ADGB: variants seen among roughly 807,000 people sequenced by gnomAD.
The protein encoded by ADGB is androglobin, also known as calpain-7-like protein.
A neutral mutation model predicts 210.5 loss-of-function variants in ADGB; 172 were observed. That is an observed-to-expected ratio of 0.82 (90% CI 0.72 to 0.93). The LOEUF (loss-of-function observed/expected upper bound fraction) is 0.93. Among genes scored for constraint, ADGB ranks in the 40% least tolerant of loss-of-function variants. The pLI, the probability that ADGB is intolerant of heterozygous loss-of-function variation, is 0.00. For synonymous variants in ADGB, 658 were observed against 662.7 expected (o/e 0.99, Z 0.11); for missense variants, 2,025 against 1,964.8 (o/e 1.03, Z -0.58).
At position 146,801,839 on chromosome 6, in the gene ADGB, C is replaced by T; in HGVS notation, c.4646C>T (p.Thr1549Ile). Residue 1549 changes from threonine (T) to isoleucine (I), a missense_variant, in exon 35 of 36, where the codon ACA (threonine) becomes ATA (isoleucine). Coordinates refer to ENST00000397944, the MANE Select transcript of ADGB (RefSeq NM_024694.4). ...ACTTTTGTATCAAGGAAAACAGATA[C>T]AGATCCTCTGCTGCAAACAGATGAA... ...DLSQYVRKTDTDPLLQTDELN... is the reference protein window; with the variant it reads ...DLSQYVRKTDIDPLLQTDELN... 1.9e-6 allele frequency: 3 copies of T among 1,541,936 alleles called. No homozygotes were observed. The highest frequency in any genetic ancestry group is 2.6e-6 in the Non-Finnish European group (3 of 1,142,630).
At chr6:146,690,946 GGAAA>G (rs1447490992) in intron 10 of ADGB, among the ~76,000 whole-genome samples, 166 bp from the exon 11 acceptor site, 1 of 151,928 alleles carries the variant, frequency 6.6e-6, no homozygotes, top group African/African-American at 2.4e-5. Flanking sequence ...TTTAAAAGAT[GGAAA>G]GAAATACAAA....
chr6:146,634,042 A>T (rs535237340), intron 1 of ADGB, among the ~76,000 whole-genome samples: 6 of 152,114 alleles, frequency 3.9e-5, no homozygotes, highest in African/African-American at 9.7e-5. Context: ...ATACAGGTGT[A>T]CCATTCTGTT....
At chr6:146,789,031 A>G (rs917603416) in intron 33 of ADGB, among the ~76,000 whole-genome samples, 1 of 152,154 alleles carries the variant, frequency 6.6e-6, no homozygotes, top group Admixed American at 6.5e-5. Context: ...AAAAAGAGCA[A>G]TTTTCAGTGG....
chr6:146,741,381 A>C (rs527382837), intron 25 of ADGB, 110 bp downstream of exon 25: 3 of 934,860 alleles, frequency 3.2e-6, no homozygotes, highest in Non-Finnish European at 4.7e-6. Flanking sequence ...CTTAACAGAC[A>C]AATAAGGCCC....
At chr6:146,757,837 A>G (rs983009658) in intron 27 of ADGB, among the ~76,000 whole-genome samples, 1 of 152,038 alleles carries the variant, frequency 6.6e-6, no homozygotes, top group African/African-American at 2.4e-5. Flanking sequence ...ATCCTGTCCT[A>G]TTAACCTTGG....
chr6:146,809,378 T>A (rs1380431093), intron 35 of ADGB, among the ~76,000 whole-genome samples: 1 of 152,216 alleles, frequency 6.6e-6, no homozygotes, highest in Non-Finnish European at 1.5e-5. Flanking sequence ...GCTAATTTTG[T>A]ATTTTTAGTA....
intron 3 of ADGB, among the ~76,000 whole-genome samples, chr6:146,651,251 G>A (rs2114879036): frequency 6.6e-6 from 1 of 152,268 alleles, no homozygotes; most frequent in Admixed American, 6.5e-5. Context: ...AATAATCCCT[G>A]GCACACTGCT....
chr6:146,722,646 C>A (rs1288616562), intron 17 of ADGB, among the ~76,000 whole-genome samples: 1 of 152,086 alleles, frequency 6.6e-6, no homozygotes, highest in Non-Finnish European at 1.5e-5. Context: ...TATTGCAAAC[C>A]CTCAAACATT....
At chr6:146,623,347 T>C (rs1306834080) in intron 1 of ADGB, among the ~76,000 whole-genome samples, 5 of 151,970 alleles carry the variant, frequency 3.3e-5, no homozygotes, top group Admixed American at 2.6e-4. Flanking sequence ...TAAGTATTTA[T>C]TGAATTTAAG....
intron 5 of ADGB, among the ~76,000 whole-genome samples, chr6:146,658,469 C>G (rs77329476): frequency 0.024 from 3,646 of 152,078 alleles, 129 homozygotes; most frequent in African/African-American, 0.076. Context: ...TGCCCTGGTT[C>G]CTGTCCCACA....
chr6:146,626,592 C>A (rs1442300995), intron 1 of ADGB, among the ~76,000 whole-genome samples: 1 of 151,880 alleles, frequency 6.6e-6, no homozygotes, highest in African/African-American at 2.4e-5. Flanking sequence ...AAAGATGTTG[C>A]CCATTATCTT....
intron 33 of ADGB, among the ~76,000 whole-genome samples, chr6:146,799,163 C>G (rs959862316): frequency 6.6e-6 from 1 of 151,098 alleles, no homozygotes; most frequent in African/African-American, 2.4e-5. Context: ...ACAAAAAAAC[C>G]TATGGCCTAC....
intron 25 of ADGB, among the ~76,000 whole-genome samples, chr6:146,743,840 G>GA (rs1161710030): frequency 2.6e-5 from 4 of 152,218 alleles, no homozygotes; most frequent in African/African-American, 9.6e-5. Context: ...CTTGAACCCA[G>GA]AAGACAGAGG....
intron 35 of ADGB, among the ~76,000 whole-genome samples, chr6:146,812,000 T>G (rs1161447285): frequency 6.6e-6 from 1 of 152,216 alleles, no homozygotes; most frequent in Non-Finnish European, 1.5e-5. Context: ...CTATTACTCT[T>G]TAAGCTTTTT....
chr6:146,689,494 T>A (rs1776273308), intron 10 of ADGB, among the ~76,000 whole-genome samples: 1 of 152,178 alleles, frequency 6.6e-6, no homozygotes, highest in Admixed American at 6.6e-5. Context: ...ATTTGTTGTT[T>A]GGACCAGTCC....
intron 29 of ADGB, among the ~76,000 whole-genome samples, chr6:146,769,903 C>G (rs1256391909): frequency 6.6e-6 from 1 of 152,184 alleles, no homozygotes; most frequent in Non-Finnish European, 1.5e-5. Flanking sequence ...TGGGCTTTGT[C>G]ATCATTCAGA....
At position 146,672,382 on chromosome 6, in the gene ADGB, G is replaced by A; in HGVS notation, c.1002G>A (p.Lys334=). The A allele has an allele frequency of 1.3e-6, 2 of 1,551,328 alleles. No individual in the cohort carries two copies. The highest frequency in any genetic ancestry group is 1.2e-5 in the South Asian group (1 of 84,024). Residue 334 remains lysine, a synonymous_variant, in exon 8 of 36, where the codon AAG becomes AAA. Coordinates refer to ENST00000397944, the MANE Select transcript of ADGB (RefSeq NM_024694.4). ...AGGGAAAAGAAATAAAGGATGGAAA[G>A]GAAGTAAAAGACGTGAAGGAATTCA... ...GKEGKEIKDG[K]EVKDVKEFKP...
At chr6:146,706,061 A>G (rs1776565018) in intron 13 of ADGB, among the ~76,000 whole-genome samples, 1 of 151,080 alleles carries the variant, frequency 6.6e-6, no homozygotes, top group Admixed American at 6.6e-5. Context: ...AGCAGCTGTT[A>G]CTACAGGCAT....
intron 5 of ADGB, among the ~76,000 whole-genome samples, chr6:146,663,483 C>T (rs1775895309): frequency 6.6e-6 from 1 of 151,774 alleles, no homozygotes; most frequent in Non-Finnish European, 1.5e-5. Flanking sequence ...GGGCACAAAT[C>T]CCATTCATGA....
Sources: gnomAD v4.1 joint callset for allele counts (sites outside exome capture counted in the v4.1 genomes callset) on GRCh38, gnomAD v4.1.1 for gene constraint, MANE v1.5 for transcripts, NCBI Gene and HGNC (gene_info 2026-07-23, HGNC 2026-07-21) for gene names.